The following DENND1B variants were observed in gnomAD, a reference collection of about 807,000 sequenced individuals.
DENND1B encodes the protein DENN domain containing 1B.
Under a neutral mutation model 90.1 loss-of-function variants are expected in DENND1B, and 59 were observed. The observed-to-expected ratio is 0.65, with a 90% CI of 0.53 to 0.81. DENND1B has a LOEUF of 0.81. Among genes scored for constraint, DENND1B ranks in the 40% least tolerant of loss-of-function variants. DENND1B has a pLI of 0.00. For synonymous variants in DENND1B, 337 were observed against 324.6 expected (o/e 1.04, Z -0.41); for missense variants, 862 against 912.6 (o/e 0.94, Z 0.71).
rs192855608 is a variant in DENND1B at position 197,630,622 on chromosome 1, G to A, written c.672+12089C>T. 6.6e-5 allele frequency among the ~76,000 whole-genome samples: 10 copies of A among 152,168 alleles called. No individual in the cohort carries two copies. In the East Asian group the frequency reaches 1.9e-3, roughly 29 times the overall value. On this transcript the variant is annotated intron_variant, in intron 10 of 22. Coordinates refer to ENST00000620048, the MANE Select transcript of DENND1B (RefSeq NM_001195215.2). ...TATTTCCATCATACCCAAGTCCTTT[G>A]GAAAGTTCTAATCATCTCACATTTA...
chr1:197,706,490 G>C (rs1659548902), intron 3 of DENND1B, among the ~76,000 whole-genome samples: 1 of 152,176 alleles, frequency 6.6e-6, no homozygotes, highest in African/African-American at 2.4e-5. Context: ...AGACTGAAGA[G>C]ACAACCAACA....
chr1:197,562,893 G>A (rs1162883899), intron 15 of DENND1B, among the ~76,000 whole-genome samples: 1 of 151,930 alleles, frequency 6.6e-6, no homozygotes, highest in Non-Finnish European at 1.5e-5. Context: ...CAGCCTTATT[G>A]CTGAGATGGA....
At chr1:197,578,390 G>A (rs950129472) in intron 15 of DENND1B, among the ~76,000 whole-genome samples, 4 of 151,988 alleles carry the variant, frequency 2.6e-5, no homozygotes, top group African/African-American at 4.8e-5. Context: ...GATTACAGGC[G>A]TGTGACACCT....
intron 20 of DENND1B, among the ~76,000 whole-genome samples, chr1:197,529,460 A>G (rs2125633059): frequency 6.6e-6 from 1 of 151,340 alleles, no homozygotes; most frequent in East Asian, 1.9e-4. Context: ...CACTTTCCCT[A>G]GGTTTTGTTG....
chr1:197,597,873 A>G (rs1003670444), intron 13 of DENND1B, among the ~76,000 whole-genome samples: 1 of 151,854 alleles, frequency 6.6e-6, no homozygotes, highest in African/African-American at 2.4e-5. Flanking sequence ...GATTTGCCGT[A>G]AGAGTAAACA....
At chr1:197,724,207 T>C (rs1001944479) in intron 2 of DENND1B, among the ~76,000 whole-genome samples, 6 of 152,094 alleles carry the variant, frequency 3.9e-5, no homozygotes, top group African/African-American at 7.2e-5. Flanking sequence ...TAAAGTTCAC[T>C]AACATAAAAA....
At chr1:197,630,156 A>AT (rs1679198386) in intron 10 of DENND1B, among the ~76,000 whole-genome samples, 2 of 152,014 alleles carry the variant, frequency 1.3e-5, no homozygotes. Flanking sequence ...ATAAACCTAA[A>AT]TTTTTTATAC....
chr1:197,656,615 C>T (rs887531461), intron 6 of DENND1B, among the ~76,000 whole-genome samples: 4 of 151,956 alleles, frequency 2.6e-5, no homozygotes, highest in African/African-American at 9.7e-5. Context: ...GCCTAAGCAA[C>T]ATAGTGAGAC....
At chr1:197,667,696 G>A (rs1389090372) in intron 5 of DENND1B, among the ~76,000 whole-genome samples, 1 of 152,134 alleles carries the variant, frequency 6.6e-6, no homozygotes. Flanking sequence ...CCTGCACCAA[G>A]CCCCCAATTC....
intron 2 of DENND1B, among the ~76,000 whole-genome samples, chr1:197,736,648 T>C (rs1215889393): frequency 6.6e-6 from 1 of 152,198 alleles, no homozygotes. Context: ...TCTTATGTTT[T>C]AAATTAAAAT....
In DENND1B at chr1:197,652,667, A is replaced by G. The variant is rs781170178; in HGVS notation, c.367-352T>C. ...AATAAAAATAGTAATACAACTTTTT[A>G]TCAGATCACAGAGTACTCTTATTTT... On this transcript the variant is annotated intron_variant, in intron 6 of 22. Transcript: ENST00000620048. Among the ~76,000 whole-genome samples the G allele has an allele frequency of 6.9e-4, 105 of 152,244 alleles. 1 individual carries two copies. Among genetic ancestry groups the G allele is most frequent in the Non-Finnish European group, 1.3e-3 (87 of 67,954 alleles).
chr1:197,757,253 C>A (rs1450758454), intron 2 of DENND1B: 3 of 152,076 alleles, frequency 2.0e-5, no homozygotes, highest in Non-Finnish European at 1.5e-5. Flanking sequence ...AACTGGAACT[C>A]CAACCCAATT....
intron 6 of DENND1B, among the ~76,000 whole-genome samples, chr1:197,657,477 T>C (rs1228218781): frequency 6.6e-6 from 1 of 152,172 alleles, no homozygotes; most frequent in East Asian, 1.9e-4. Flanking sequence ...GGCAAGTAAA[T>C]GTCCAATATC....
chr1:197,770,843 T>A (rs1656485056), intron 2 of DENND1B, among the ~76,000 whole-genome samples: 1 of 95,232 alleles, frequency 1.1e-5, no homozygotes, highest in African/African-American at 3.4e-5. Flanking sequence ...TATAAATATA[T>A]ATAAATATAT....
At chr1:197,561,469 A>G (rs145181405) in intron 15 of DENND1B, among the ~76,000 whole-genome samples, 7 of 151,890 alleles carry the variant, frequency 4.6e-5, no homozygotes, top group African/African-American at 1.7e-4. Context: ...GCCCTCTTAT[A>G]CTACTTTCTT....
At chr1:197,626,592 C>A (rs1340337583) in intron 10 of DENND1B, among the ~76,000 whole-genome samples, 1 of 152,072 alleles carries the variant, frequency 6.6e-6, no homozygotes, top group South Asian at 2.1e-4. Context: ...CCAAAATTGA[C>A]ACCCTAACAT....
chr1:197,721,998 C>A (rs1169435707), intron 2 of DENND1B, among the ~76,000 whole-genome samples: 1 of 152,090 alleles, frequency 6.6e-6, no homozygotes, highest in Non-Finnish European at 1.5e-5. Context: ...ATGCTGTATA[C>A]ATACATATTG....
At position 197,554,508 on chromosome 1, in the gene DENND1B, T is replaced by C. The variant is rs558663679; in HGVS notation, c.1150-1396A>G. ...AATGAACAAAACTAATTGAGATGAG[T>C]TGTATAGGACAATACAATATTCCTC... On this transcript the variant is annotated intron_variant, in intron 15 of 22. Coordinates refer to ENST00000620048, the MANE Select transcript of DENND1B (RefSeq NM_001195215.2). Among the ~76,000 whole-genome samples the C allele has an allele frequency of 2.0e-4, 31 of 151,698 alleles. No homozygotes were observed. The South Asian group carries it at 6.5e-3, about 32-fold the overall frequency.
chr1:197,591,638 C>T (rs966533181), intron 14 of DENND1B, among the ~76,000 whole-genome samples: 3 of 152,064 alleles, frequency 2.0e-5, no homozygotes, highest in Non-Finnish European at 4.4e-5. Flanking sequence ...AAAGAGACAG[C>T]ATAAATATCA....
Sources: gnomAD v4.1 joint callset for allele counts (sites outside exome capture counted in the v4.1 genomes callset) on GRCh38, gnomAD v4.1.1 for gene constraint, MANE v1.5 for transcripts, NCBI Gene and HGNC (gene_info 2026-07-23, HGNC 2026-07-21) for gene names.